LAMC1: variants seen among roughly 807,000 people sequenced by gnomAD.
The protein encoded by LAMC1 is laminin subunit gamma 1, also known as laminin subunit gamma-1.
In LAMC1, 38 loss-of-function variants were observed where a neutral mutation model predicts 173.6. The ratio of observed to expected loss-of-function variants is 0.22; its 90% CI spans 0.17 to 0.29. LAMC1 has a LOEUF of 0.29. LAMC1 is among the 10% of genes least tolerant of loss of function. The pLI, the probability that LAMC1 is intolerant of heterozygous loss-of-function variation, is 1.00. For synonymous variants in LAMC1, 746 were observed against 749.1 expected (o/e 1.00, Z 0.07); for missense variants, 1,824 against 2,051.8 (o/e 0.89, Z 2.14).
Position 183,127,356 on chromosome 1 carries a change from G to T in LAMC1, c.3075G>T (p.Trp1025Cys). Residue 1025 changes from tryptophan to cysteine, a missense_variant, in exon 17 of 28, where the codon TGG (tryptophan) becomes TGT (cysteine). Transcript: ENST00000258341. ...CEENYFYNRS[W>C]PGCQECPACY... ...AAAACTATTTCTACAATCGGTCTTG[G>T]CCTGGCTGCCAGGAATGTCCAGCTT... 1 of 1,614,168 alleles carries T rather than the reference G, an allele frequency of 6.2e-7. No individual in the cohort carries two copies. Among genetic ancestry groups the T allele is most frequent in the Admixed American group, 1.7e-5 (1 of 60,024 alleles).
At chr1:183,132,315 A>T in intron 20 of LAMC1, 85 bp from the exon 21 acceptor site, 1 of 841,216 alleles carries the variant, frequency 1.2e-6, no homozygotes, top group Non-Finnish European at 1.8e-6. Context: ...AATAATAATA[A>T]TAATAAAGTA....
At chr1:183,072,913 C>A (rs560378931) in intron 1 of LAMC1, among the ~76,000 whole-genome samples, 101 of 152,280 alleles carry the variant, frequency 6.6e-4, no homozygotes, top group African/African-American at 2.4e-3. Context: ...ATGGGGCCGT[C>A]TAGTTGCAGG....
At position 183,116,877 on chromosome 1, in the gene LAMC1, A is replaced by C; in HGVS notation, c.1538A>C (p.Tyr513Ser). The stretch of plus-strand genomic sequence containing the variant: ...ACAAACGCTGTTGGCTACAGTGTTT[A>C]TTCTATCTCCTCTACCTTTCAGATT... ...VCTNAVGYSV[Y>S]SISSTFQIDE... The change falls in exon 8 of 28, where the codon TAT becomes TCT. Residue 513 changes from tyrosine to serine, a missense_variant. Transcript: ENST00000258341. 1 of 1,614,040 alleles carries C rather than the reference A, an allele frequency of 6.2e-7. No individual in the cohort carries two copies. The highest frequency in any genetic ancestry group is 8.5e-7 in the Non-Finnish European group (1 of 1,179,926).
At position 183,131,250 on chromosome 1, in the gene LAMC1, A is replaced by G. The variant is rs553887225; in HGVS notation, c.3487-49A>G. ...TTAGTTTTGACTCTTGCTTTATTAA[A>G]TGTAAATAATTCAGTCCTTTGAGAA... On this transcript the variant is annotated intron_variant, in intron 19 of 27. Coordinates refer to ENST00000258341, the MANE Select transcript of LAMC1 (RefSeq NM_002293.4). 1.0e-5 allele frequency: 15 copies of G among 1,434,190 alleles called. No individual in the cohort carries two copies. In the Admixed American group the frequency reaches 1.9e-4, roughly 18 times the overall value. The allele number at this position is 1,434,190 out of a possible 1,614,324, so 88.8% of individuals were successfully genotyped here.
At chr1:183,118,298 A>C in intron 11 of LAMC1, 152 bp downstream of exon 11, 1 of 490,692 alleles carries the variant, frequency 2.0e-6, no homozygotes, top group Non-Finnish European at 3.5e-6. Flanking sequence ...AAGACAATGC[A>C]TTTTTTAACG....
intron 25 of LAMC1, 81 bp downstream of exon 25, chr1:183,136,666 C>A: frequency 1.6e-6 from 2 of 1,227,538 alleles, no homozygotes; most frequent in Non-Finnish European, 2.3e-6. Context: ...ACCCTCAGAG[C>A]CCTTGCAGAT....
In LAMC1 at chr1:183,094,302, T is replaced by C. The variant is rs1655639744; in HGVS notation, c.419-9026T>C. ...TTACTTCTTCAGGACTCTGCTCAGATTTCACCTTATCCATGTCATGAGACC... is the reference window on the plus strand; with the variant it reads ...TTACTTCTTCAGGACTCTGCTCAGACTTCACCTTATCCATGTCATGAGACC... On this transcript the variant is annotated intron_variant, in intron 1 of 27. Coordinates refer to ENST00000258341, the MANE Select transcript of LAMC1 (RefSeq NM_002293.4). Among the ~76,000 whole-genome samples the C allele has an allele frequency of 4.6e-5, 7 of 152,348 alleles. No individual in the cohort carries two copies. In the South Asian group the frequency reaches 1.5e-3, roughly 32 times the overall value.
At chr1:183,125,329 G>A in intron 14 of LAMC1, 68 bp from the exon 15 acceptor site, 1 of 1,544,656 alleles carries the variant, frequency 6.5e-7, no homozygotes, top group Non-Finnish European at 8.9e-7. Flanking sequence ...ATCTCTTTAG[G>A]TTGTTTATAT....
chr1:183,142,886 ACTC>A lies in LAMC1; in HGVS notation c.*100_*102del. On this transcript the variant is annotated 3_prime_UTR_variant, in exon 28 of 28. Transcript: ENST00000258341. ...CAAAGATTACATTTTTCAGACCCCC[ACTC>A]CTCTGCTGCTGTCCATGACTGTCCT... 1 of 1,286,124 alleles carries A rather than the reference ACTC, an allele frequency of 7.8e-7. No individual in the cohort carries two copies. Among genetic ancestry groups the A allele is most frequent in the African/African-American group, 1.5e-5 (1 of 67,148 alleles). 79.7% of individuals were successfully genotyped at this position (1,286,124 alleles called of 1,614,324 possible).
chr1:183,036,378 G>T (rs1221305199), intron 1 of LAMC1, among the ~76,000 whole-genome samples: 3 of 148,274 alleles, frequency 2.0e-5, no homozygotes, highest in Middle Eastern at 3.7e-3. Context: ...GATTACTGGC[G>T]TGAGCCACCA....
intron 13 of LAMC1, among the ~76,000 whole-genome samples, chr1:183,123,344 C>G (rs1450844589): frequency 6.6e-6 from 1 of 152,198 alleles, no homozygotes; most frequent in Admixed American, 6.5e-5. Flanking sequence ...CTCACCTGCT[C>G]CCCTACAATG....
chr1:183,096,500 C>CGTGTCTTT (rs1230992514), intron 1 of LAMC1: 1 of 152,106 alleles, frequency 6.6e-6, no homozygotes, highest in African/African-American at 2.4e-5. Flanking sequence ...TCTTAGTTAG[C>CGTGTCTTT]GTGTCTTTCC....
At chr1:183,138,207 C>T (rs1657002046) in intron 26 of LAMC1, 1 of 975,716 alleles carries the variant, frequency 1.0e-6, no homozygotes, top group Non-Finnish European at 1.2e-6. Context: ...GAGACAAAGA[C>T]AAGTTTCTTG....
chr1:183,099,905 C>CCCTGCG (rs1202678125), intron 1 of LAMC1, among the ~76,000 whole-genome samples: 5 of 152,128 alleles, frequency 3.3e-5, no homozygotes, highest in Non-Finnish European at 7.3e-5. Context: ...CCCATCCTGC[C>CCCTGCG]CCTGCGCCTG....
intron 3 of LAMC1, 45 bp downstream of exon 3, chr1:183,108,451 G>A (rs1656050652): frequency 2.5e-6 from 4 of 1,568,708 alleles, no homozygotes; most frequent in Non-Finnish European, 3.5e-6. Flanking sequence ...TGGAGCTTTT[G>A]CATAGAGGTG....
intron 1 of LAMC1, 60 bp downstream of exon 1, chr1:183,024,194 G>C: frequency 6.8e-7 from 1 of 1,466,768 alleles, no homozygotes; most frequent in East Asian, 2.5e-5. Context: ...TCCCGGACCG[G>C]CTCCGTCCCA....
At position 183,125,486 on chromosome 1, in the gene LAMC1, G is replaced by A. The variant is rs1228913200; in HGVS notation, c.2737G>A (p.Gly913Ser). 6.2e-7 allele frequency: 1 copy of A among 1,613,794 alleles called. No individual in the cohort carries two copies. The highest frequency in any genetic ancestry group is 8.5e-7 in the Non-Finnish European group (1 of 1,179,802). ...GQCECLPHVT[G>S]QDCGACDPGF... is the part of the protein sequence containing the mutation. Reference sequence around the variant, plus strand: ...GTGTGAATGTTTGCCTCACGTGACTGGCCAGGACTGTGGTGCTTGTGACCC... The same window carrying A: ...GTGTGAATGTTTGCCTCACGTGACTAGCCAGGACTGTGGTGCTTGTGACCC... Residue 913 changes from glycine (G) to serine (S), a missense_variant, in exon 15 of 28, where the codon GGC becomes AGC. Coordinates refer to ENST00000258341, the MANE Select transcript of LAMC1 (RefSeq NM_002293.4).
At chr1:183,080,488 C>T (rs772772209) in intron 1 of LAMC1, among the ~76,000 whole-genome samples, 2 of 152,106 alleles carry the variant, frequency 1.3e-5, no homozygotes, top group Non-Finnish European at 2.9e-5. Flanking sequence ...GAGTCTTCAG[C>T]GGATCAGCCC....
chr1:183,041,521 A>C (rs1022894632), intron 1 of LAMC1, among the ~76,000 whole-genome samples: 3 of 152,152 alleles, frequency 2.0e-5, no homozygotes, highest in Non-Finnish European at 4.4e-5. Context: ...CATATTGCAT[A>C]CCTAGGATGT....
Sources: allele counts gnomAD v4.1 joint callset (sites outside exome capture counted in the v4.1 genomes callset), GRCh38; gene constraint gnomAD v4.1.1; transcripts MANE v1.5; gene names NCBI Gene and HGNC (gene_info 2026-07-23, HGNC 2026-07-21).